Variants in CCSER1 observed in about 807,000 individuals in gnomAD.
CCSER1 encodes the protein coiled-coil serine rich protein 1.
A neutral mutation model predicts 82.0 loss-of-function variants in CCSER1; 41 were observed. That is an observed-to-expected ratio of 0.50 (90% CI 0.39 to 0.65). The LOEUF is 0.65. Ranked by LOEUF, CCSER1 falls within the 30% of genes least tolerant of loss-of-function variation. CCSER1 has a pLI of 0.00. For missense variants in CCSER1, 1,119 were observed against 1,064.2 expected (o/e 1.05, Z -0.72); for synonymous variants, 414 against 383.9 (o/e 1.08, Z -0.92).
chr4:91,157,861 G>A (rs1035737357), intron 10 of CCSER1, among the ~76,000 whole-genome samples: 6 of 151,938 alleles, frequency 3.9e-5, no homozygotes, highest in Non-Finnish European at 8.8e-5. Flanking sequence ...GTCTTCTTAT[G>A]TTTAGTAGAG....
intron 5 of CCSER1, among the ~76,000 whole-genome samples, chr4:90,507,945 A>G (rs1770945990): frequency 6.6e-6 from 1 of 151,988 alleles, no homozygotes; most frequent in Non-Finnish European, 1.5e-5. Context: ...TGGATATAAT[A>G]TTAGTAAGCA....
At chr4:91,029,781 C>A (rs1352847351) in intron 9 of CCSER1, among the ~76,000 whole-genome samples, 1 of 151,896 alleles carries the variant, frequency 6.6e-6, no homozygotes, top group Non-Finnish European at 1.5e-5. Flanking sequence ...GTGATTAAAT[C>A]AATTAATATA....
intron 10 of CCSER1, among the ~76,000 whole-genome samples, chr4:91,451,027 G>A (rs947028168): frequency 2.0e-5 from 3 of 151,998 alleles, no homozygotes; most frequent in Non-Finnish European, 4.4e-5. Context: ...CTGGAGGCTG[G>A]GAAGCCAAAA....
chr4:91,121,947 C>T (rs1437995319), intron 10 of CCSER1, among the ~76,000 whole-genome samples: 3 of 151,492 alleles, frequency 2.0e-5, no homozygotes, highest in Admixed American at 6.6e-5. Flanking sequence ...ATGTGTCACT[C>T]CATTTTAACA....
chr4:91,223,964 GT>G (rs1023598031), intron 10 of CCSER1, among the ~76,000 whole-genome samples: 12 of 151,652 alleles, frequency 7.9e-5, no homozygotes, highest in Admixed American at 7.2e-4. Context: ...TAATAGTAAG[GT>G]ACCTTTTTAT....
chr4:90,930,842 A>G (rs1729659095), intron 9 of CCSER1, among the ~76,000 whole-genome samples: 2 of 149,216 alleles, frequency 1.3e-5, no homozygotes, highest in Non-Finnish European at 3.0e-5. Context: ...ATTTCTATCA[A>G]AAACATTGCT....
chr4:91,432,275 A>C (rs1234323000), intron 10 of CCSER1, among the ~76,000 whole-genome samples: 4 of 152,198 alleles, frequency 2.6e-5, no homozygotes, highest in Non-Finnish European at 5.9e-5. Context: ...TCTTTATAGC[A>C]GTGTGATAAT....
chr4:90,540,671 T>C (rs1017862092), intron 5 of CCSER1, among the ~76,000 whole-genome samples: 1 of 152,082 alleles, frequency 6.6e-6, no homozygotes, highest in Non-Finnish European at 1.5e-5. Flanking sequence ...AATCTAGGTG[T>C]GAGGTTACAG....
At chr4:90,851,694 A>G (rs1450236982) in intron 8 of CCSER1, among the ~76,000 whole-genome samples, 1 of 152,014 alleles carries the variant, frequency 6.6e-6, no homozygotes, top group Non-Finnish European at 1.5e-5. Flanking sequence ...CAATGTTCAC[A>G]AGGTTGTTCT....
chr4:91,363,535 C>T (rs1356354955), intron 10 of CCSER1, among the ~76,000 whole-genome samples: 1 of 151,690 alleles, frequency 6.6e-6, no homozygotes, highest in Non-Finnish European at 1.5e-5. Flanking sequence ...GCTGTTTCTA[C>T]TGTAGTGTCC....
intron 10 of CCSER1, among the ~76,000 whole-genome samples, chr4:91,541,619 G>T (rs1026490433): frequency 6.6e-6 from 1 of 152,136 alleles, no homozygotes; most frequent in Admixed American, 6.5e-5. Context: ...TCTTAATCCA[G>T]TCTATCACTG....
intron 9 of CCSER1, among the ~76,000 whole-genome samples, chr4:91,001,595 A>G (rs1738042227): frequency 6.6e-6 from 1 of 152,018 alleles, no homozygotes; most frequent in Non-Finnish European, 1.5e-5. Context: ...TTTGGTGTCC[A>G]TTTGCATGGG....
intron 4 of CCSER1, among the ~76,000 whole-genome samples, chr4:90,428,443 T>C (rs975411168): frequency 6.6e-6 from 1 of 151,900 alleles, no homozygotes; most frequent in Non-Finnish European, 1.5e-5. Context: ...CTGTTGTTGA[T>C]TGGAAGATTA....
intron 10 of CCSER1, among the ~76,000 whole-genome samples, chr4:91,374,797 A>C (rs1295014368): frequency 6.6e-6 from 1 of 152,156 alleles, no homozygotes; most frequent in East Asian, 1.9e-4. Flanking sequence ...GGAGTTTGAG[A>C]CCAGCCTGGC....
intron 9 of CCSER1, among the ~76,000 whole-genome samples, chr4:91,043,684 G>A (rs565763571): frequency 4.1e-5 from 6 of 148,020 alleles, no homozygotes; most frequent in East Asian, 2.0e-4. Context: ...TCCACTTCCC[G>A]GGTTCATGCG....
chr4:91,342,549 T>C (rs1471646895), intron 10 of CCSER1, among the ~76,000 whole-genome samples: 2 of 152,170 alleles, frequency 1.3e-5, no homozygotes, highest in Non-Finnish European at 2.9e-5. Context: ...TTGTTTCTTT[T>C]ATTTCTGGCA....
chr4:91,059,761 T>G (rs1387267621), intron 9 of CCSER1, among the ~76,000 whole-genome samples: 1 of 152,016 alleles, frequency 6.6e-6, no homozygotes, highest in Non-Finnish European at 1.5e-5. Flanking sequence ...AGCATGAGTC[T>G]GTATTTGGCA....
intron 7 of CCSER1, among the ~76,000 whole-genome samples, chr4:90,759,406 T>C (rs1750085306): frequency 1.3e-5 from 2 of 152,204 alleles, no homozygotes; most frequent in African/African-American, 4.8e-5. Context: ...AGTGACTTAA[T>C]TTTATAAATA....
chr4:90,142,977 T>G (rs1427324777), intron 1 of CCSER1, among the ~76,000 whole-genome samples: 1 of 152,212 alleles, frequency 6.6e-6, no homozygotes, highest in East Asian at 1.9e-4. Flanking sequence ...TCGGCAAATT[T>G]ACATGAAATC....
Sources: allele counts gnomAD v4.1 joint callset (sites outside exome capture counted in the v4.1 genomes callset), GRCh38; gene constraint gnomAD v4.1.1; transcripts MANE v1.5; gene names NCBI Gene and HGNC (gene_info 2026-07-23, HGNC 2026-07-21).